Variants in KYNU observed in about 807,000 individuals in gnomAD.
The protein encoded by KYNU is kynureninase.
A neutral mutation model predicts 59.2 loss-of-function variants in KYNU; 54 were observed. That is an observed-to-expected ratio of 0.91 (90% CI 0.73 to 1.14). The LOEUF is 1.14. KYNU is among the 50% of genes most tolerant of loss of function. The pLI, the probability that KYNU is intolerant of heterozygous loss-of-function variation, is 0.00. For synonymous variants in KYNU, 177 were observed against 192.0 expected, an observed-to-expected ratio of 0.92 and a Z score of 0.65; for missense variants, 567 against 554.4, an observed-to-expected ratio of 1.02 and a Z score of -0.23.
At chr2:142,995,921 G>T (rs989097060) in intron 10 of KYNU, among the ~76,000 whole-genome samples, 1 of 151,866 alleles carries the variant, frequency 6.6e-6, no homozygotes, top group Admixed American at 6.6e-5. Flanking sequence ...CATTTTATAG[G>T]CACTAGTTCG....
At position 142,931,854 on chromosome 2, in the gene KYNU, G is replaced by A. The variant is rs138975843; in HGVS notation, c.373+4113G>A. Among the ~76,000 whole-genome samples the A allele has an allele frequency of 3.5e-3, 538 of 152,274 alleles. 1 individual carries two copies. The highest frequency in any genetic ancestry group is 5.7e-3 in the Non-Finnish European group (389 of 68,016). On this transcript the variant is annotated intron_variant, in intron 4 of 13. Coordinates refer to ENST00000264170, the MANE Select transcript of KYNU (RefSeq NM_003937.3). ...TTGAATAATTTGGCTGATGAAGGCC[G>A]GCCTGTTATTGGGCTGGATGGATGT...
chr2:143,041,013 A>G (rs1687027296), intron 13 of KYNU, among the ~76,000 whole-genome samples: 1 of 152,108 alleles, frequency 6.6e-6, no homozygotes. Context: ...GAATGGAATT[A>G]AAGATCATAC....
intron 1 of KYNU, among the ~76,000 whole-genome samples, chr2:142,884,131 A>G (rs1271113920): frequency 3.3e-5 from 5 of 152,228 alleles, no homozygotes; most frequent in African/African-American, 9.6e-5. Context: ...AAAGTGGGAA[A>G]TGTTGCATGA....
chr2:142,969,341 G>T (rs1203482853), intron 8 of KYNU, among the ~76,000 whole-genome samples: 2 of 152,164 alleles, frequency 1.3e-5, no homozygotes, highest in African/African-American at 2.4e-5. Context: ...TTTTGATGTA[G>T]GGGAAAATGA....
chr2:143,027,988 T>G (rs1022400171), intron 10 of KYNU, among the ~76,000 whole-genome samples: 6 of 152,044 alleles, frequency 3.9e-5, no homozygotes, highest in Non-Finnish European at 8.8e-5. Context: ...TATTCCTCAC[T>G]ATACTTTTCT....
At chr2:142,980,234 A>G (rs773888268) in intron 8 of KYNU, among the ~76,000 whole-genome samples, 1 of 144,382 alleles carries the variant, frequency 6.9e-6, no homozygotes, top group Non-Finnish European at 1.5e-5. Context: ...TTAGCTTATA[A>G]TGAGCTTATA....
At chr2:142,941,954 A>G (rs1207217005) in intron 4 of KYNU, among the ~76,000 whole-genome samples, 2 of 152,164 alleles carry the variant, frequency 1.3e-5, no homozygotes, top group African/African-American at 4.8e-5. Context: ...GAATTTCTTG[A>G]GCCCAGGAGT....
chr2:142,900,311 C>G (rs1682032943), intron 2 of KYNU, among the ~76,000 whole-genome samples: 1 of 152,110 alleles, frequency 6.6e-6, no homozygotes, highest in Admixed American at 6.5e-5. Context: ...TGGTGGATAG[C>G]AAGCGAAAGC....
chr2:142,956,591 A>G (rs2105088554), intron 6 of KYNU, among the ~76,000 whole-genome samples: 1 of 152,306 alleles, frequency 6.6e-6, no homozygotes, highest in South Asian at 2.1e-4. Context: ...CTTTTATTTT[A>G]TGAAATCAAA....
In KYNU at chr2:143,006,295, G is replaced by A. The variant is rs538804426; in HGVS notation, c.902+20274G>A. On this transcript the variant is annotated intron_variant, in intron 10 of 13. Transcript: ENST00000264170. ...TTTCCGAGTCAAAGAAAGGGGTGACGGACGCACCTGGAAAATCGGGTCACT... is the reference window on the plus strand; with the variant it reads ...TTTCCGAGTCAAAGAAAGGGGTGACAGACGCACCTGGAAAATCGGGTCACT... 4.4e-3 allele frequency among the ~76,000 whole-genome samples: 674 copies of A among 151,912 alleles called. 5 individuals are homozygous for A. The highest frequency in any genetic ancestry group is 0.015 in the African/African-American group (640 of 41,428).
intron 2 of KYNU, among the ~76,000 whole-genome samples, chr2:142,888,399 A>C (rs1361209245): frequency 6.6e-6 from 1 of 152,190 alleles, no homozygotes; most frequent in Non-Finnish European, 1.5e-5. Context: ...TCAAGGCTGC[A>C]GTGAGCCATG....
chr2:142,992,510 G>A (rs967114299), intron 10 of KYNU, among the ~76,000 whole-genome samples: 4 of 151,520 alleles, frequency 2.6e-5, no homozygotes, highest in Non-Finnish European at 5.9e-5. Context: ...TTTTAAGATA[G>A]CATCTCTGTC....
chr2:143,037,350 A>G (rs1686918815), intron 12 of KYNU, among the ~76,000 whole-genome samples: 1 of 152,198 alleles, frequency 6.6e-6, no homozygotes, highest in Admixed American at 6.5e-5. Flanking sequence ...TACGTATATT[A>G]TATTTTGAGG....
At chr2:142,971,592 T>C (rs568688765) in intron 8 of KYNU, among the ~76,000 whole-genome samples, 1 of 152,322 alleles carries the variant, frequency 6.6e-6, no homozygotes, top group South Asian at 2.1e-4. Context: ...CTCTCAAATT[T>C]AGGAAGCTAT....
intron 10 of KYNU, among the ~76,000 whole-genome samples, chr2:143,006,181 G>C (rs12466617): frequency 2.0e-5 from 3 of 151,976 alleles, no homozygotes; most frequent in Admixed American, 1.3e-4. Flanking sequence ...GACAGTGGGC[G>C]CAGGCCAGTG....
At chr2:142,924,376 G>A (rs1474914881) in intron 3 of KYNU, among the ~76,000 whole-genome samples, 1 of 152,110 alleles carries the variant, frequency 6.6e-6, no homozygotes, top group African/African-American at 2.4e-5. Flanking sequence ...CAAAATGCTG[G>A]GATTACAGGC....
chr2:143,035,585 T>C (rs1420774313), intron 12 of KYNU, among the ~76,000 whole-genome samples: 1 of 152,102 alleles, frequency 6.6e-6, no homozygotes, highest in East Asian at 1.9e-4. Flanking sequence ...TTACCTTCCT[T>C]TAAGTTTTAT....
intron 2 of KYNU, among the ~76,000 whole-genome samples, chr2:142,907,529 G>A (rs73963778): frequency 0.019 from 2,856 of 151,912 alleles, 106 homozygotes; most frequent in African/African-American, 0.066. Flanking sequence ...GATGGTGAGC[G>A]AAAGCTCAGC....
At chr2:142,944,221 C>G (rs1268677405) in intron 4 of KYNU, among the ~76,000 whole-genome samples, 1 of 152,132 alleles carries the variant, frequency 6.6e-6, no homozygotes, top group East Asian at 1.9e-4. Context: ...GAGTAGGTAC[C>G]TTATTGAGTT....
Sources: gnomAD v4.1 joint callset for allele counts (sites outside exome capture counted in the v4.1 genomes callset) on GRCh38, gnomAD v4.1.1 for gene constraint, MANE v1.5 for transcripts, NCBI Gene and HGNC (gene_info 2026-07-23, HGNC 2026-07-21) for gene names.